MAP2K3: variants seen among roughly 807,000 people sequenced by gnomAD.
MAP2K3 encodes the protein mitogen-activated protein kinase kinase 3, also known as dual specificity mitogen-activated protein kinase kinase 3.
A neutral mutation model predicts 46.4 loss-of-function variants in MAP2K3; 30 were observed. The ratio of observed to expected loss-of-function variants is 0.65; its 90% CI spans 0.48 to 0.88. The LOEUF (loss-of-function observed/expected upper bound fraction) is 0.88. Among genes scored for constraint, MAP2K3 ranks in the 40% least tolerant of loss-of-function variants. The pLI is 0.00. For synonymous variants in MAP2K3, 189 were observed against 176.3 expected (o/e 1.07, Z -0.57); for missense variants, 380 against 464.5 (o/e 0.82, Z 1.67).
chr17:21,298,184 G>A (rs1303256881), intron 1 of MAP2K3, among the ~76,000 whole-genome samples: 1 of 152,308 alleles, frequency 6.6e-6, no homozygotes, highest in Non-Finnish European at 1.5e-5. Flanking sequence ...ATAAGGCCCT[G>A]GAGTCCAGCC....
rs980799911 is a variant in MAP2K3 at position 21,301,184 on chromosome 17, G to C, written c.399+191G>C. Reference sequence around the variant, plus strand: ...GTTTCCTTGTCAGTCAAATGAGGCCGGTGGTTGTGGGTGCCTCCTAAAGTT... The same window carrying C: ...GTTTCCTTGTCAGTCAAATGAGGCCCGTGGTTGTGGGTGCCTCCTAAAGTT... On this transcript the variant is annotated intron_variant, in intron 5 of 11. Transcript: ENST00000342679. Among the ~76,000 whole-genome samples, 80 of 152,358 alleles carry C rather than the reference G, an allele frequency of 5.3e-4. No homozygotes were observed. The Middle Eastern group carries it at 0.01, about 20-fold the overall frequency.
At chr17:21,309,263 A>G (rs150973934) in intron 9 of MAP2K3, among the ~76,000 whole-genome samples, 1 of 152,306 alleles carries the variant, frequency 6.6e-6, no homozygotes, top group African/African-American at 2.4e-5. Context: ...CTGGCACAGC[A>G]TCACTTCTGC....
chr17:21,302,459 G>A (rs184577180), intron 6 of MAP2K3, among the ~76,000 whole-genome samples, 200 bp downstream of exon 6: 1 of 152,418 alleles, frequency 6.6e-6, no homozygotes, highest in East Asian at 1.9e-4. Flanking sequence ...GGAGACCTCC[G>A]CTCCTGGGGC....
In MAP2K3 at chr17:21,312,012, G is replaced by A. The variant is rs2144663179; in HGVS notation, c.775-130G>A. On this transcript the variant is annotated intron_variant, in intron 9 of 11. Coordinates refer to ENST00000342679, the MANE Select transcript of MAP2K3 (RefSeq NM_145109.3). The stretch of plus-strand genomic sequence containing the variant: ...CTTTGTTCTGCTGGGATGTGGTAGG[G>A]AGATCAGCTGTGCAGCTTTGACGCC... 6 of 851,368 alleles carry A rather than the reference G, an allele frequency of 7.0e-6. No individual in the cohort carries two copies. In the South Asian group the frequency reaches 1.0e-4, roughly 15 times the overall value. The allele number at this position is 851,368 out of a possible 1,614,324, so 52.7% of individuals were successfully genotyped here.
At chr17:21,287,994 A>G in intron 1 of MAP2K3, 1 of 1,283,112 alleles carries the variant, frequency 7.8e-7, no homozygotes, top group Non-Finnish European at 1.0e-6. Context: ...CGCACAGGAA[A>G]CTCTCTGTCA....
chr17:21,292,200 C>G (rs1432507962), intron 1 of MAP2K3, among the ~76,000 whole-genome samples: 1 of 152,304 alleles, frequency 6.6e-6, no homozygotes, highest in Non-Finnish European at 1.5e-5. Context: ...CCTGGCTGCC[C>G]CTTCAGACAG....
At chr17:21,292,725 A>G (rs536427) in intron 1 of MAP2K3, among the ~76,000 whole-genome samples, 28,740 of 146,294 alleles carry the variant, frequency 0.2, 53 homozygotes, top group South Asian at 0.25. Context: ...GACCTCAAGT[A>G]ATCCTTCTGC....
chr17:21,298,380 T>C, intron 1 of MAP2K3, 33 bp from the exon 2 acceptor site: 1 of 1,614,174 alleles, frequency 6.2e-7, no homozygotes, highest in East Asian at 2.2e-5. Flanking sequence ...TGTCAAGGGA[T>C]AGGCCAGACG....
chr17:21,296,734 G>C (rs1470325353), intron 1 of MAP2K3, among the ~76,000 whole-genome samples: 1 of 152,312 alleles, frequency 6.6e-6, no homozygotes, highest in African/African-American at 2.4e-5. Flanking sequence ...CCTGTGGCCG[G>C]TGCTGTGGCT....
At chr17:21,302,695 G>A (rs1976674563) in intron 6 of MAP2K3, among the ~76,000 whole-genome samples, 1 of 152,308 alleles carries the variant, frequency 6.6e-6, no homozygotes. Context: ...CAGCAACACT[G>A]GGCTTGAGCA....
At chr17:21,293,199 G>A (rs1370731916) in intron 1 of MAP2K3, among the ~76,000 whole-genome samples, 1 of 152,256 alleles carries the variant, frequency 6.6e-6, no homozygotes, top group African/African-American at 2.4e-5. Context: ...GACCGGTGAG[G>A]TCTGGCCATG....
intron 1 of MAP2K3, 161 bp downstream of exon 1, chr17:21,285,130 C>T (rs1975689978): frequency 1.2e-6 from 1 of 842,470 alleles, no homozygotes; most frequent in Non-Finnish European, 1.4e-6. Context: ...GACCAGCCCC[C>T]GCCTGGGCCC....
chr17:21,294,670 C>G (rs1445963167), intron 1 of MAP2K3, among the ~76,000 whole-genome samples: 1 of 152,312 alleles, frequency 6.6e-6, no homozygotes, highest in African/African-American at 2.4e-5. Context: ...CCCCTACTCC[C>G]TTGTGGAGTC....
chr17:21,305,789 C>T (rs914257518), intron 9 of MAP2K3, among the ~76,000 whole-genome samples: 16 of 152,294 alleles, frequency 1.1e-4, no homozygotes, highest in Non-Finnish European at 2.4e-4. Flanking sequence ...AGGATGTGTC[C>T]CCCAGCCAGG....
rs1233893074 is a variant in MAP2K3, at chr17:21,284,775, C to T, written c.-146C>T. ...CTGCAGTCGCCGCCGCAGTCCTCGC[C>T]GCAGTCGCCGCCGCCGCCGCCGCCG... On this transcript the variant is annotated 5_prime_UTR_variant, in exon 1 of 12. Transcript: ENST00000342679. 9 of 849,118 alleles carry T rather than the reference C, an allele frequency of 1.1e-5. No individual in the cohort carries two copies. The East Asian group carries it at 2.7e-4, about 25-fold the overall frequency. The allele number at this position is 849,118 out of a possible 1,614,324, so 52.6% of individuals were successfully genotyped here. A position where few individuals can be genotyped will look rare whatever the true frequency, so the allele number is the denominator to read the frequency against.
intron 1 of MAP2K3, among the ~76,000 whole-genome samples, chr17:21,298,142 TACTC>T (rs1418983434): frequency 3.9e-5 from 6 of 152,306 alleles, no homozygotes; most frequent in Non-Finnish European, 5.9e-5. Flanking sequence ...CCCAGGGAGG[TACTC>T]AAGATGTGCC....
intron 1 of MAP2K3, among the ~76,000 whole-genome samples, chr17:21,295,478 G>A (rs1484127485): frequency 6.6e-6 from 1 of 152,302 alleles, no homozygotes. Context: ...TGTTTGTTGT[G>A]GTGATGGTTG....
intron 9 of MAP2K3, 33 bp from the exon 10 acceptor site, chr17:21,312,109 G>C: frequency 6.7e-7 from 1 of 1,493,408 alleles, no homozygotes; most frequent in Non-Finnish European, 8.9e-7. Context: ...TGTATCTGGG[G>C]CCGGGGCCTC....
rs970273226 is a variant in MAP2K3, at chr17:21,304,346, G to C, written c.569-80G>C. 6 of 1,607,038 alleles carry C rather than the reference G, an allele frequency of 3.7e-6. No individual in the cohort carries two copies. The South Asian group carries it at 6.7e-5, about 18-fold the overall frequency. On this transcript the variant is annotated intron_variant, in intron 7 of 11. Transcript: ENST00000342679. Reference sequence around the variant, plus strand: ...CAGGAGGGGTCTTGGGCGAGGGAGGGGGGCACAGCTATGCAGAGCATGGCA... The same window carrying C: ...CAGGAGGGGTCTTGGGCGAGGGAGGCGGGCACAGCTATGCAGAGCATGGCA...
Sources: gnomAD v4.1 joint callset for allele counts (sites outside exome capture counted in the v4.1 genomes callset) on GRCh38, gnomAD v4.1.1 for gene constraint, MANE v1.5 for transcripts, NCBI Gene and HGNC (gene_info 2026-07-23, HGNC 2026-07-21) for gene names.